The following AMPH variants were observed in gnomAD, a reference collection of about 807,000 sequenced individuals.
AMPH encodes amphiphysin.
In AMPH, 49 loss-of-function variants were observed where a neutral mutation model predicts 99.1. That is an observed-to-expected ratio of 0.49 (90% CI 0.39 to 0.63). The LOEUF (loss-of-function observed/expected upper bound fraction) is 0.63. AMPH is among the 20% of genes least tolerant of loss of function. The pLI is 0.00. For synonymous variants in AMPH, 314 were observed against 317.3 expected (o/e 0.99, Z 0.11); for missense variants, 759 against 863.4 (o/e 0.88, Z 1.52).
rs1220367001 is a variant in AMPH at position 38,394,190 on chromosome 7, C to T, written c.1423G>A (p.Ala475Thr). ...AVIIPGADAD[A>T]AVGTLVSAAE... The stretch of plus-strand genomic sequence containing the variant: ...GCTGACACCAAGGTTCCAACAGCTG[C>T]ATCAGCATCAGCTCCAGGTATGATC... The change falls in exon 18 of 21, where the codon GCA (alanine) becomes ACA (threonine). Residue 475 changes from alanine (A) to threonine (T), a missense_variant. By Grantham distance (58) the Ala-to-Thr change is moderately conservative (BLOSUM62 0). This residue lies in a region of AMPH where 554 missense variants were observed against 575.6 expected (regional missense o/e 0.96). Coordinates refer to ENST00000356264, the MANE Select transcript of AMPH (RefSeq NM_001635.4). 1.2e-6 allele frequency: 2 copies of T among 1,614,236 alleles called. No homozygotes were observed. Among genetic ancestry groups the T allele is most frequent in the South Asian group, 1.1e-5 (1 of 91,086 alleles).
intron 10 of AMPH, 53 bp downstream of exon 10, chr7:38,462,922 C>T (rs931911267): frequency 2.7e-6 from 4 of 1,494,726 alleles, no homozygotes; most frequent in African/African-American, 2.8e-5. Flanking sequence ...TAGATGGGGC[C>T]ACCTTCATCT....
At chr7:38,468,925 C>T (rs1358058455) in intron 7 of AMPH, among the ~76,000 whole-genome samples, 1 of 66,674 alleles carries the variant, frequency 1.5e-5, no homozygotes, top group Non-Finnish European at 2.8e-5. Context: ...GAGGCCGAGG[C>T]GGGTGGATCA....
intron 1 of AMPH, among the ~76,000 whole-genome samples, chr7:38,558,848 AAC>A (rs1191106084): frequency 6.6e-6 from 1 of 152,202 alleles, no homozygotes; most frequent in Non-Finnish European, 1.5e-5. Context: ...GAAAGAAAAT[AAC>A]AGTCTCCTGT....
intron 18 of AMPH, 108 bp from the exon 19 acceptor site, chr7:38,392,125 C>T: frequency 1.8e-6 from 2 of 1,119,538 alleles, no homozygotes; most frequent in Non-Finnish European, 2.5e-6. Context: ...GCTGCCACTT[C>T]CATACTTCCC....
At chr7:38,588,054 C>T (rs970696661) in intron 1 of AMPH, among the ~76,000 whole-genome samples, 2 of 151,936 alleles carry the variant, frequency 1.3e-5, no homozygotes, top group South Asian at 2.1e-4. Flanking sequence ...TGGGCTCAAG[C>T]GATCCCCCCA....
chr7:38,595,341 T>C (rs866852331), intron 1 of AMPH, among the ~76,000 whole-genome samples: 11 of 151,988 alleles, frequency 7.2e-5, no homozygotes, highest in African/African-American at 2.2e-4. Context: ...AAGACAAAGG[T>C]CATGCTGAAA....
At chr7:38,506,109 A>C (rs1321001760) in intron 2 of AMPH, among the ~76,000 whole-genome samples, 1 of 152,202 alleles carries the variant, frequency 6.6e-6, no homozygotes, top group African/African-American at 2.4e-5. Context: ...TGGATCCCAG[A>C]GTGAAGGGAC....
chr7:38,498,797 A>T (rs932006559), intron 3 of AMPH, among the ~76,000 whole-genome samples: 31 of 152,234 alleles, frequency 2.0e-4, no homozygotes, highest in African/African-American at 7.0e-4. Flanking sequence ...CTGTCTATTG[A>T]TAGAATAAAA....
Position 38,503,499 on chromosome 7 carries a change from G to GA in AMPH, c.205+150_205+151insT, listed in dbSNP as rs1319618630. 2.4e-5 allele frequency: 13 copies of GA among 546,692 alleles called. 1 individual carries two copies. The highest frequency in any genetic ancestry group is 2.9e-4 in the Middle Eastern group (1 of 3,476). 33.9% of individuals were successfully genotyped at this position (546,692 alleles called of 1,614,324 possible). A position where few individuals can be genotyped will look rare whatever the true frequency, so the allele number is the denominator to read the frequency against. On this transcript the variant is annotated intron_variant, in intron 3 of 20. Transcript: ENST00000356264. ...CATTTCAATGGGAATTTGGGGCGGG[G>GA]GGGTGGGTGGTGGAATGGAACACCT... is the stretch of plus-strand genomic sequence containing the variant.
Position 38,426,946 on chromosome 7 carries a change from T to C in AMPH, c.1215+8A>G, listed in dbSNP as rs1562745686. ...CAGATGGATCTTGTAAGAAAACAGA[T>C]TCCTTACCTGTGTGAATCCATTAAA... On this transcript the variant is annotated splice_region_variant and intron_variant, in intron 15 of 20. Coordinates refer to ENST00000356264, the MANE Select transcript of AMPH (RefSeq NM_001635.4). 1.2e-6 allele frequency: 2 copies of C among 1,612,560 alleles called. No homozygotes were observed. The highest frequency in any genetic ancestry group is 1.7e-6 in the Non-Finnish European group (2 of 1,178,948).
chr7:38,610,373 G>A (rs1219432118), intron 1 of AMPH, among the ~76,000 whole-genome samples: 1 of 44,248 alleles, frequency 2.3e-5, no homozygotes, highest in African/African-American at 1.2e-4. Context: ...GAAAAGAAAA[G>A]AAAGGAAAGG....
intron 11 of AMPH, among the ~76,000 whole-genome samples, chr7:38,436,940 T>C (rs1461492396): frequency 6.6e-6 from 1 of 152,156 alleles, no homozygotes; most frequent in Non-Finnish European, 1.5e-5. Flanking sequence ...TCTTCATCCA[T>C]AGCATTGTTA....
rs540561950 is a variant in AMPH, at chr7:38,432,348, G to A, written c.1135-136C>T. On this transcript the variant is annotated intron_variant, in intron 12 of 20. Transcript: ENST00000356264. The stretch of plus-strand genomic sequence containing the variant: ...AGTACTGTTCAATAAAACTTTTTTT[G>A]GTGAAGGAAATGATCCATATCTGTG... 686 of 718,566 alleles carry A rather than the reference G, an allele frequency of 9.5e-4. 6 individuals are homozygous for A. Among genetic ancestry groups the A allele is most frequent in the Middle Eastern group, 2.9e-3 (7 of 2,448 alleles). 44.5% of individuals were successfully genotyped at this position (718,566 alleles called of 1,614,324 possible).
At chr7:38,402,526 A>G (rs1784868808) in intron 17 of AMPH, among the ~76,000 whole-genome samples, 1 of 152,210 alleles carries the variant, frequency 6.6e-6, no homozygotes, top group Admixed American at 6.5e-5. Flanking sequence ...GGACTCTTAG[A>G]TATCCTTTTC....
rs1342448346 is a variant in AMPH at position 38,603,920 on chromosome 7, AAC to A, written c.69+27361_69+27362del. The stretch of plus-strand genomic sequence containing the variant: ...GATGCACATTTTGACAAATCTGACA[AAC>A]ATGTGACTGTGTAATTCAACAAACG... On this transcript the variant is annotated intron_variant, in intron 1 of 20. Coordinates refer to ENST00000356264, the MANE Select transcript of AMPH (RefSeq NM_001635.4). Among the ~76,000 whole-genome samples the A allele has an allele frequency of 2.0e-5, 3 of 152,246 alleles. 1 individual carries two copies. The Middle Eastern group carries it at 9.5e-3, about 482-fold the overall frequency.
At chr7:38,450,278 G>C (rs1008391413) in intron 11 of AMPH, among the ~76,000 whole-genome samples, 1 of 152,120 alleles carries the variant, frequency 6.6e-6, no homozygotes, top group Admixed American at 6.6e-5. Flanking sequence ...AAAATAGTTG[G>C]GGGTATCTGC....
chr7:38,542,815 T>G (rs976243634), intron 1 of AMPH, among the ~76,000 whole-genome samples: 1 of 151,850 alleles, frequency 6.6e-6, no homozygotes, highest in Non-Finnish European at 1.5e-5. Flanking sequence ...AGAAAAATTG[T>G]CCGGGTGCAG....
chr7:38,611,463 T>C (rs555141479), intron 1 of AMPH, among the ~76,000 whole-genome samples: 4 of 152,336 alleles, frequency 2.6e-5, no homozygotes, highest in African/African-American at 7.2e-5. Context: ...TCATGTTAAG[T>C]GTTCTTACCA....
intron 2 of AMPH, among the ~76,000 whole-genome samples, chr7:38,520,448 G>A (rs1193230281): frequency 2.6e-5 from 4 of 152,224 alleles, no homozygotes; most frequent in African/African-American, 4.8e-5. Context: ...GAGAATAAGT[G>A]TGACAAGCAG....
Sources: allele counts gnomAD v4.1 joint callset (sites outside exome capture counted in the v4.1 genomes callset), GRCh38; gene constraint gnomAD v4.1.1; regional missense constraint gnomAD v4.1.1; transcripts MANE v1.5; gene names NCBI Gene and HGNC (gene_info 2026-07-23, HGNC 2026-07-21).